The following B4GALT6 variants were observed in gnomAD, a reference collection of about 807,000 sequenced individuals.
B4GALT6 encodes UDP-Gal:beta-GlcNAc beta-1,4-galactosyltransferase 6.
In B4GALT6, 14 loss-of-function variants were observed where a neutral mutation model predicts 46.3. That is an observed-to-expected ratio of 0.30 (90% CI 0.20 to 0.47). B4GALT6 has a LOEUF of 0.47. B4GALT6 is among the 20% of genes least tolerant of loss of function. The pLI is 0.99. For missense variants in B4GALT6, 386 were observed against 480.1 expected (o/e 0.80, Z 1.83); for synonymous variants, 168 against 162.0 (o/e 1.04, Z -0.28).
In B4GALT6 at chr18:31,659,090, C is replaced by T. The variant is rs375362260; in HGVS notation, c.233-1001G>A. Among the ~76,000 whole-genome samples, 5 of 152,094 alleles carry T rather than the reference C, an allele frequency of 3.3e-5. No homozygotes were observed. The South Asian group carries it at 1.0e-3, about 32-fold the overall frequency. On this transcript the variant is annotated intron_variant, in intron 2 of 8. Transcript: ENST00000306851. ...AACATGCAATGAGTGAAATGAGAGACGGAAACAGCTCATTAAACTACCGTC... is the reference window on the plus strand; with the variant it reads ...AACATGCAATGAGTGAAATGAGAGATGGAAACAGCTCATTAAACTACCGTC...
intron 2 of B4GALT6, among the ~76,000 whole-genome samples, chr18:31,660,302 TTTTG>T (rs2074197109): frequency 1.3e-5 from 2 of 152,098 alleles, no homozygotes; most frequent in African/African-American, 4.8e-5. Context: ...GTTTTTTTCT[TTTTG>T]TTTTTGTTTT....
chr18:31,629,308 C>A (rs1230641378), intron 6 of B4GALT6, among the ~76,000 whole-genome samples: 1 of 151,766 alleles, frequency 6.6e-6, no homozygotes, highest in Non-Finnish European at 1.5e-5. Flanking sequence ...ACCACTGTAA[C>A]CCCTGCATTA....
chr18:31,680,600 T>C (rs1442521309), intron 1 of B4GALT6, among the ~76,000 whole-genome samples: 1 of 152,156 alleles, frequency 6.6e-6, no homozygotes, highest in African/African-American at 2.4e-5. Flanking sequence ...CTAGGAAAGG[T>C]CAGGGCTTCT....
intron 6 of B4GALT6, among the ~76,000 whole-genome samples, chr18:31,630,168 T>C (rs1344057986): frequency 6.6e-6 from 1 of 151,798 alleles, no homozygotes; most frequent in Non-Finnish European, 1.5e-5. Context: ...CAAGCATTCT[T>C]TTCCTGCTTG....
the B4GALT6 span, among the ~76,000 whole-genome samples, chr18:31,705,240 T>C: frequency 9.2e-5 from 14 of 152,330 alleles, no homozygotes; most frequent in Middle Eastern, 3.4e-3. Context: ...ACTTATACAA[T>C]AGGGTATGTT....
chr18:31,697,281 AAGAG>A, the B4GALT6 span, among the ~76,000 whole-genome samples: 3 of 151,134 alleles, frequency 2.0e-5, no homozygotes, highest in African/African-American at 4.8e-5. Flanking sequence ...CCCTGAAAAA[AAGAG>A]AGAGAGAGAG....
chr18:31,665,733 CTCTG>C (rs1213513297), intron 2 of B4GALT6, among the ~76,000 whole-genome samples: 1 of 152,106 alleles, frequency 6.6e-6, no homozygotes, highest in Non-Finnish European at 1.5e-5. Flanking sequence ...CAGAGCGAGA[CTCTG>C]TCTAAAAAAA....
the B4GALT6 span, among the ~76,000 whole-genome samples, chr18:31,723,564 G>C: frequency 7.1e-6 from 1 of 141,246 alleles, no homozygotes; most frequent in South Asian, 2.1e-4. Flanking sequence ...TATTCACTAG[G>C]ATTAAAGGCC....
intron 3 of B4GALT6, among the ~76,000 whole-genome samples, chr18:31,655,486 GCA>G (rs2074127199): frequency 6.6e-6 from 1 of 152,160 alleles, no homozygotes; most frequent in Non-Finnish European, 1.5e-5. Flanking sequence ...CAGTGAAAAG[GCA>G]GTGCACAGCA....
At chr18:31,643,851 G>C (rs1454330325) in intron 4 of B4GALT6, among the ~76,000 whole-genome samples, 2 of 152,172 alleles carry the variant, frequency 1.3e-5, no homozygotes, top group African/African-American at 4.8e-5. Context: ...TGAGGGGTGT[G>C]CTACATTCTG....
At chr18:31,713,057 A>G in the B4GALT6 span, among the ~76,000 whole-genome samples, 1 of 152,218 alleles carries the variant, frequency 6.6e-6, no homozygotes, top group South Asian at 2.1e-4. Flanking sequence ...ATCTAAATAT[A>G]AAAATTATAA....
At chr18:31,724,371 G>T in the B4GALT6 span, 2 of 1,064,652 alleles carry the variant, frequency 1.9e-6, no homozygotes, top group South Asian at 2.1e-5. Context: ...ACCCGCTCCA[G>T]CTGACCTCTG....
chr18:31,640,141 C>T lies in B4GALT6; in HGVS notation c.472-1381G>A, dbSNP rs1326754907. Among the ~76,000 whole-genome samples, 4 of 152,174 alleles carry T rather than the reference C, an allele frequency of 2.6e-5. No individual in the cohort carries two copies. In the East Asian group the frequency reaches 7.7e-4, roughly 29 times the overall value. ...CTAACCAAAATACCTCTGTGTTACT[C>T]TATAATCTGGATTTTTTAAATATAC... On this transcript the variant is annotated intron_variant, in intron 4 of 8. Coordinates refer to ENST00000306851, the MANE Select transcript of B4GALT6 (RefSeq NM_004775.5).
rs1320456502 is a variant in B4GALT6 at position 31,622,521 on chromosome 18, A to G, written c.*3093T>C. 6.6e-6 allele frequency: 1 copy of G among 152,106 alleles called. No individual in the cohort carries two copies. Among genetic ancestry groups the G allele is most frequent in the African/African-American group, 2.4e-5 (1 of 41,462 alleles). The allele number at this position is 152,106 out of a possible 1,614,324, so 9.4% of individuals were successfully genotyped here. On this transcript the variant is annotated 3_prime_UTR_variant, in exon 9 of 9. Transcript: ENST00000306851. ...GTATTTGAAAAACACATAAAGAAAT[A>G]TATCAAAGACAAGCAAAGGCCAAAT...
At chr18:31,671,164 G>T (rs924013265) in intron 1 of B4GALT6, among the ~76,000 whole-genome samples, 1 of 152,122 alleles carries the variant, frequency 6.6e-6, no homozygotes, top group African/African-American at 2.4e-5. Flanking sequence ...CATTTGGGTT[G>T]GTTCCAAGTC....
intron 2 of B4GALT6, 152 bp downstream of exon 2, chr18:31,666,104 C>A (rs2074279315): frequency 2.1e-6 from 1 of 484,698 alleles, no homozygotes; most frequent in Admixed American, 3.3e-5. Flanking sequence ...AGGTAACAGT[C>A]TTGATTTGCA....
rs916315600 is a variant in B4GALT6 at position 31,622,589 on chromosome 18, A to T, written c.*3025T>A. The T allele has an allele frequency of 7.9e-5, 12 of 152,090 alleles. No homozygotes were observed. The highest frequency in any genetic ancestry group is 1.5e-4 in the Non-Finnish European group (10 of 67,906). 9.4% of individuals were successfully genotyped at this position (152,090 alleles called of 1,614,324 possible). ...TTTCACTTGTAGGAAGCCTCCAGAA[A>T]GAGAATATTGTATTGGACATTTTTC... On this transcript the variant is annotated 3_prime_UTR_variant, in exon 9 of 9. Coordinates refer to ENST00000306851, the MANE Select transcript of B4GALT6 (RefSeq NM_004775.5).
rs773808346 is a variant in B4GALT6, at chr18:31,638,625, C to T, written c.588+19G>A. The T allele has an allele frequency of 6.5e-7, 1 of 1,546,330 alleles. No individual in the cohort carries two copies. The highest frequency in any genetic ancestry group is 1.1e-5 in the South Asian group (1 of 89,604). On this transcript the variant is annotated intron_variant, in intron 5 of 8. Transcript: ENST00000306851. ...TAGATTCTAGTATACTTAGTGACCA[C>T]TATGAAAAGTATTCTCACCTGTTCA...
chr18:31,638,249 C>G (rs1328280914), intron 5 of B4GALT6, among the ~76,000 whole-genome samples: 1 of 152,052 alleles, frequency 6.6e-6, no homozygotes, highest in African/African-American at 2.4e-5. Flanking sequence ...AGAATTTGGC[C>G]GGGCACAGTG....
Sources: gnomAD v4.1 joint callset for allele counts (sites outside exome capture counted in the v4.1 genomes callset) on GRCh38, gnomAD v4.1.1 for gene constraint, MANE v1.5 for transcripts, NCBI Gene and HGNC (gene_info 2026-07-23, HGNC 2026-07-21) for gene names.